NOS1: variants seen among roughly 807,000 people sequenced by gnomAD.
NOS1 encodes the protein nitric oxide synthase 1, also known as NOS type I.
A neutral mutation model predicts 164.5 loss-of-function variants in NOS1; 51 were observed. The ratio of observed to expected loss-of-function variants is 0.31; its 90% confidence interval spans 0.25 to 0.39. NOS1 has a LOEUF of 0.39. NOS1 is among the 10% of genes least tolerant of loss of function. NOS1 has a pLI of 1.00. For missense variants in NOS1, 1,362 were observed against 1,885.6 expected (o/e 0.72, Z 5.14); for synonymous variants, 719 against 745.8 (o/e 0.96, Z 0.59).
chr12:117,303,497 T>C (rs1457694862), intron 3 of NOS1, among the ~76,000 whole-genome samples: 4 of 152,116 alleles, frequency 2.6e-5, no homozygotes. Flanking sequence ...GTGATCTCTC[T>C]ATCTGATCAC....
At chr12:117,318,243 C>G (rs1593018490) in intron 2 of NOS1, among the ~76,000 whole-genome samples, 1 of 152,168 alleles carries the variant, frequency 6.6e-6, no homozygotes, top group East Asian at 1.9e-4. Flanking sequence ...GGAGGGAACC[C>G]TAGCATCTGC....
chr12:117,247,846 T>C (rs1870749005), intron 17 of NOS1, among the ~76,000 whole-genome samples: 2 of 150,716 alleles, frequency 1.3e-5, no homozygotes, highest in South Asian at 4.2e-4. Flanking sequence ...CTTTGGAGGC[T>C]GAGGCAGGAG....
intron 3 of NOS1, among the ~76,000 whole-genome samples, chr12:117,303,052 ACT>A (rs1254781323): frequency 3.6e-4 from 55 of 152,210 alleles, no homozygotes; most frequent in Middle Eastern, 3.4e-3. Context: ...GGCCACTGTT[ACT>A]GTTATTTTTA....
At chr12:117,232,936 C>A (rs982864942) in intron 21 of NOS1, among the ~76,000 whole-genome samples, 1 of 151,392 alleles carries the variant, frequency 6.6e-6, no homozygotes, top group Non-Finnish European at 1.5e-5. Flanking sequence ...GGTGCGATCA[C>A]AACTCACTGT....
chr12:117,295,675 T>C (rs1873365881), intron 3 of NOS1, among the ~76,000 whole-genome samples: 1 of 144,014 alleles, frequency 6.9e-6, no homozygotes, highest in Non-Finnish European at 1.5e-5. Context: ...TGAAGTGCAG[T>C]GGTGTGATCT....
chr12:117,330,330 C>CACACA lies in NOS1; in HGVS notation c.725+14_725+15insTGTGT. ...CACACACACACACACACACACACAC[C>CACACA]CCTGTGGAGCTTACCTGTCCACCTG... On this transcript the variant is annotated intron_variant, in intron 2 of 28. Coordinates refer to ENST00000317775, the MANE Select transcript of NOS1 (RefSeq NM_000620.5). The surrounding 1 kb of genome is among the most constrained non-coding windows in gnomAD (Gnocchi z 4.6). 6.8e-7 allele frequency: 1 copy of CACACA among 1,462,928 alleles called. No homozygotes were observed. Among genetic ancestry groups the CACACA allele is most frequent in the Non-Finnish European group, 9.2e-7 (1 of 1,091,754 alleles). The allele number at this position is 1,462,928 out of a possible 1,614,324, so 90.6% of individuals were successfully genotyped here. A position where few individuals can be genotyped will look rare whatever the true frequency, so the allele number is the denominator to read the frequency against.
intron 3 of NOS1, among the ~76,000 whole-genome samples, chr12:117,307,555 C>T (rs781541302): frequency 6.6e-5 from 10 of 152,012 alleles, no homozygotes; most frequent in East Asian, 1.9e-4. Context: ...TTTGTAGAGA[C>T]GGGGTTTTGC....
chr12:117,277,864 G>T, intron 9 of NOS1, 95 bp downstream of exon 9: 1 of 1,414,416 alleles, frequency 7.1e-7, no homozygotes, highest in Non-Finnish European at 9.6e-7. Context: ...GCTTCGGTCT[G>T]GACTAGAAAG....
At chr12:117,248,577 T>G (rs1870840492) in intron 17 of NOS1, among the ~76,000 whole-genome samples, 1 of 151,612 alleles carries the variant, frequency 6.6e-6, no homozygotes, top group Non-Finnish European at 1.5e-5. Flanking sequence ...GTGCCACATT[T>G]TCTTAATCCA....
At chr12:117,296,216 T>C (rs766610584) in intron 3 of NOS1, among the ~76,000 whole-genome samples, 1 of 152,206 alleles carries the variant, frequency 6.6e-6, no homozygotes, top group Non-Finnish European at 1.5e-5. Flanking sequence ...ACATATGAGA[T>C]CTGCATGAGA....
At chr12:117,247,612 A>G (rs973420438) in intron 17 of NOS1, 90 bp from the exon 18 acceptor site, 21 of 1,123,868 alleles carry the variant, frequency 1.9e-5, no homozygotes, top group African/African-American at 6.4e-5. Context: ...TGTCCCCCCA[A>G]ATTTCATATA....
rs745425317 is a variant in NOS1 at position 117,331,033 on chromosome 12, G to T, written c.37C>A (p.Pro13Thr). Residue 13 changes from proline (P) to threonine (T), a missense_variant, in exon 2 of 29, where the codon CCC (proline) becomes ACC (threonine). Transcript: ENST00000317775. ...DHMFGVQQIQPNVISVRLFKR... is the reference protein window; with the variant it reads ...DHMFGVQQIQTNVISVRLFKR... ...AAGAGACGAACAGAAATGACATTGGGCTGGATTTGCTGAACACCGAACATG... is the reference window on the plus strand; with the variant it reads ...AAGAGACGAACAGAAATGACATTGGTCTGGATTTGCTGAACACCGAACATG... The T allele has an allele frequency of 6.8e-6, 11 of 1,613,634 alleles. No individual in the cohort carries two copies. The highest frequency in any genetic ancestry group is 1.7e-6 in the Non-Finnish European group (2 of 1,179,712).
intron 17 of NOS1, among the ~76,000 whole-genome samples, chr12:117,249,627 C>T (rs1443519216): frequency 6.6e-6 from 1 of 152,140 alleles, no homozygotes; most frequent in Non-Finnish European, 1.5e-5. Context: ...TATTCTGGTT[C>T]CATTCCTTGT....
chr12:117,255,634 G>A (rs970749152), intron 16 of NOS1, among the ~76,000 whole-genome samples: 4 of 152,214 alleles, frequency 2.6e-5, no homozygotes, highest in African/African-American at 9.7e-5. Context: ...AACAGCACGT[G>A]CATTTGTATG....
chr12:117,305,947 C>T (rs1460991554), intron 3 of NOS1, among the ~76,000 whole-genome samples: 4 of 151,804 alleles, frequency 2.6e-5, no homozygotes, highest in South Asian at 2.1e-4. Context: ...GTGTGCCTCA[C>T]GCCTGGGCTC....
intron 13 of NOS1, 21 bp downstream of exon 13, chr12:117,263,868 C>A: frequency 6.2e-7 from 1 of 1,601,224 alleles, no homozygotes; most frequent in South Asian, 1.1e-5. Flanking sequence ...CCACCCCACC[C>A]GCCCACTGCA....
At chr12:117,224,805 C>G (rs2293045) in intron 25 of NOS1, among the ~76,000 whole-genome samples, 22,696 of 152,240 alleles carry the variant, frequency 0.15, 2,090 homozygotes, top group Admixed American at 0.31. Context: ...GAAATGTCCT[C>G]TGGGCCTGGA....
intron 20 of NOS1, among the ~76,000 whole-genome samples, chr12:117,239,686 C>A (rs1478279298): frequency 6.6e-6 from 1 of 151,804 alleles, no homozygotes; most frequent in Non-Finnish European, 1.5e-5. Flanking sequence ...TCATGCTTTT[C>A]CACTCAATTA....
chr12:117,355,159 A>G (rs1876800756), intron 1 of NOS1, among the ~76,000 whole-genome samples: 1 of 152,188 alleles, frequency 6.6e-6, no homozygotes, highest in Admixed American at 6.5e-5. Context: ...CTCCCAAAGC[A>G]TCTTGGATGG....
Sources: allele counts gnomAD v4.1 joint callset (sites outside exome capture counted in the v4.1 genomes callset), GRCh38; gene constraint gnomAD v4.1.1; non-coding constraint Gnocchi (gnomAD v3.1); transcripts MANE v1.5; gene names NCBI Gene and HGNC (gene_info 2026-07-23, HGNC 2026-07-21).